Variants in SIGLEC8 observed in about 807,000 individuals in gnomAD.
SIGLEC8 encodes the protein sialic acid-binding Ig-like lectin 8.
In SIGLEC8, 32 loss-of-function variants were observed where a neutral mutation model predicts 42.1. That is an observed-to-expected ratio of 0.76 (90% CI 0.57 to 1.02). The LOEUF is 1.02. Among genes scored for constraint, SIGLEC8 ranks in the 50% least tolerant of loss-of-function variants. The probability of loss-of-function intolerance (pLI) is 0.00; values close to 1 mark genes in which losing one functional copy is unlikely to be tolerated. For missense variants in SIGLEC8, 611 were observed against 610.2 expected (o/e 1.00, Z -0.01); for synonymous variants, 262 against 260.3 (o/e 1.01, Z -0.06).
rs555610019 is a variant in SIGLEC8 at position 51,454,937 on chromosome 19, C to A, written c.1052-157G>T. Among the ~76,000 whole-genome samples the A allele has an allele frequency of 1.3e-5, 2 of 152,324 alleles. No homozygotes were observed. Among genetic ancestry groups the A allele is most frequent in the African/African-American group, 4.8e-5 (2 of 41,564 alleles). ...GGAGGAAAGGAGACTACTTCTGAGG[C>A]CAGTGAGGCATGAGAGTGCTGGATG... On this transcript the variant is annotated intron_variant, in intron 4 of 6. Transcript: ENST00000321424. This position sits in a 1 kb window ranked among gnomAD's most constrained non-coding sequence, Gnocchi z 4.7.
intron 3 of SIGLEC8, among the ~76,000 whole-genome samples, chr19:51,456,512 C>T (rs1186008050): frequency 6.6e-6 from 1 of 152,228 alleles, no homozygotes; most frequent in Non-Finnish European, 1.5e-5. Flanking sequence ...CTATCCACTG[C>T]ACAGTTTCTG....
In SIGLEC8 at chr19:51,458,428, T is replaced by C. The variant is rs748393716; in HGVS notation, c.-41A>G. On this transcript the variant is annotated 5_prime_UTR_variant, in exon 1 of 7. Coordinates refer to ENST00000321424, the MANE Select transcript of SIGLEC8 (RefSeq NM_014442.3). The stretch of plus-strand genomic sequence containing the variant: ...CGCCAGGGCCGCCAGGGAACGTCTG[T>C]TCCTCAGGGTTCTTCTCTCAGAAAC... The C allele has an allele frequency of 8.9e-6, 14 of 1,581,150 alleles. 1 individual carries two copies. The Admixed American group carries it at 1.0e-4, about 12-fold the overall frequency.
rs774483646 is a variant in SIGLEC8 at position 51,454,732 on chromosome 19, G to C, written c.1100C>G (p.Ala367Gly). Residue 367 changes from alanine to glycine, a missense_variant, in exon 5 of 7, where the codon GCT (alanine) becomes GGT (glycine). By Grantham distance (60) the Ala-to-Gly change is moderately conservative. Transcript: ENST00000321424. This position sits in a 1 kb window ranked among gnomAD's most constrained non-coding sequence, Gnocchi z 4.7. ...SQVTLAAVGG[A>G]GATALAFLSF... is the part of the protein sequence containing the mutation. ...CAGGAAGGCCAGGGCTGTGGCTCCAGCTCCCCCGACTGCTGCCAGTGTCAC... is the reference window on the plus strand; with the variant it reads ...CAGGAAGGCCAGGGCTGTGGCTCCACCTCCCCCGACTGCTGCCAGTGTCAC... 3.1e-6 allele frequency: 5 copies of C among 1,613,882 alleles called. No individual in the cohort carries two copies. The highest frequency in any genetic ancestry group is 3.4e-6 in the Non-Finnish European group (4 of 1,179,972).
chr19:51,455,744 T>G, intron 3 of SIGLEC8, 57 bp from the exon 4 acceptor site: 1 of 1,463,486 alleles, frequency 6.8e-7, no homozygotes, highest in South Asian at 1.2e-5. Flanking sequence ...CAAAGGATTA[T>G]AAATCATGCT....
chr19:51,453,128 G>A (rs536749251), intron 6 of SIGLEC8, among the ~76,000 whole-genome samples: 16 of 151,138 alleles, frequency 1.1e-4, no homozygotes, highest in Non-Finnish European at 2.2e-4. Context: ...TGGCTCTGTT[G>A]CCCAGGCTGG....
Position 51,458,014 on chromosome 19 carries a change from C to T in SIGLEC8, c.374G>A (p.Arg125Gln), listed in dbSNP as rs186721103. The T allele has an allele frequency of 3.1e-4, 503 of 1,613,994 alleles. No homozygotes were observed. Among genetic ancestry groups the T allele is most frequent in the Non-Finnish European group, 3.9e-4 (462 of 1,180,006 alleles). Residue 125 changes from arginine (R) to glutamine (Q), a missense_variant, in exon 1 of 7, where the codon CGG (arginine) becomes CAG (glutamine). By Grantham distance (43) the Arg-to-Gln change is conservative. Coordinates refer to ENST00000321424, the MANE Select transcript of SIGLEC8 (RefSeq NM_014442.3). Reference sequence around the variant, plus strand: ...CCATTTCATGCTTCCTCTCTCTAGCCGAAAGAAATATGACCCCTTATCCCT... The same window carrying T: ...CCATTTCATGCTTCCTCTCTCTAGCTGAAAGAAATATGACCCCTTATCCCT... ...RKRDKGSYFFRLERGSMKWSY... is the reference protein window; with the variant it reads ...RKRDKGSYFFQLERGSMKWSY...
At position 51,452,135 on chromosome 19, in the gene SIGLEC8, G is replaced by A. The variant is rs1477041272; in HGVS notation, c.*244C>T. The A allele has an allele frequency of 2.6e-6, 1 of 378,028 alleles. No individual in the cohort carries two copies. Among genetic ancestry groups the A allele is most frequent in the East Asian group, 3.9e-5 (1 of 25,646 alleles). The allele number at this position is 378,028 out of a possible 1,614,324, so 23.4% of individuals were successfully genotyped here. ...ATGAACCTAGGGGATATTTTTTTGT[G>A]TAAAATGAGCCACACACAGAGAGGC... On this transcript the variant is annotated 3_prime_UTR_variant, in exon 7 of 7. Coordinates refer to ENST00000321424, the MANE Select transcript of SIGLEC8 (RefSeq NM_014442.3).
In SIGLEC8 at chr19:51,453,350, A is replaced by C. The variant is rs562153883; in HGVS notation, c.1246-717T>G. The C allele has an allele frequency of 9.2e-6, 9 of 982,928 alleles. No individual in the cohort carries two copies. In the African/African-American group the frequency reaches 1.4e-4, roughly 15 times the overall value. The allele number at this position is 982,928 out of a possible 1,614,324, so 60.9% of individuals were successfully genotyped here. On this transcript the variant is annotated intron_variant, in intron 6 of 6. Coordinates refer to ENST00000321424, the MANE Select transcript of SIGLEC8 (RefSeq NM_014442.3). ...AGCGATCCTCCTACCTTGGCCTCCCAAAGTGGCAGCTCAGTCTTTAATTGA... is the reference window on the plus strand; with the variant it reads ...AGCGATCCTCCTACCTTGGCCTCCCCAAGTGGCAGCTCAGTCTTTAATTGA...
In SIGLEC8 at chr19:51,452,400, G is replaced by T; in HGVS notation, c.1479C>A (p.Ser493=). 1.9e-6 allele frequency: 3 copies of T among 1,604,366 alleles called. No homozygotes were observed. The highest frequency in any genetic ancestry group is 2.6e-6 in the Non-Finnish European group (3 of 1,171,858). ...TQACLRNHNP[S]SKEVRG is the part of the protein sequence containing the mutation. ...AGAATCAGCCTCTGACTTCTTTGCT[G>T]GAGGGGTTGTGATTCCTCAAACAGG... The change falls in exon 7 of 7, where the codon TCC becomes TCA. Residue 493 remains serine (S), a synonymous_variant. Coordinates refer to ENST00000321424, the MANE Select transcript of SIGLEC8 (RefSeq NM_014442.3).
intron 3 of SIGLEC8, among the ~76,000 whole-genome samples, chr19:51,456,084 G>A (rs1337143339): frequency 7.6e-6 from 1 of 132,182 alleles, no homozygotes; most frequent in East Asian, 2.7e-4. Flanking sequence ...GTGGGGTGGG[G>A]GGAGGGATAG....
Position 51,454,595 on chromosome 19 carries a change from C to A in SIGLEC8, c.1148+89G>T, listed in dbSNP as rs1989446343. ...TTCTTGCCCCAAGCCCTGGACCCAT[C>A]CAGGTCCTTCCAGCTCTGGCTTCAG... On this transcript the variant is annotated intron_variant, in intron 5 of 6. Coordinates refer to ENST00000321424, the MANE Select transcript of SIGLEC8 (RefSeq NM_014442.3). The surrounding 1 kb of genome is among the most constrained non-coding windows in gnomAD (Gnocchi z 4.7). 1.6e-6 allele frequency: 2 copies of A among 1,216,982 alleles called. No homozygotes were observed. Among genetic ancestry groups the A allele is most frequent in the Non-Finnish European group, 2.4e-6 (2 of 825,556 alleles). The allele number at this position is 1,216,982 out of a possible 1,614,324, so 75.4% of individuals were successfully genotyped here.
Position 51,455,650 on chromosome 19 carries a change from G to C in SIGLEC8, c.819C>G (p.Val273=). 6.2e-7 allele frequency: 1 copy of C among 1,614,066 alleles called. No individual in the cohort carries two copies. The highest frequency in any genetic ancestry group is 1.1e-5 in the South Asian group (1 of 91,066). The change falls in exon 4 of 7, where the codon GTC becomes GTG. Residue 273 remains valine (V), a synonymous_variant. Coordinates refer to ENST00000321424, the MANE Select transcript of SIGLEC8 (RefSeq NM_014442.3). ...TALGNGSSLS[V]LEGQSLRLVC... ...CCAGGCGCAGAGACTGGCCCTCAAG[G>C]ACTGAAAGAGATGAGCCATTTCCCA...
intron 3 of SIGLEC8, 46 bp from the exon 4 acceptor site, chr19:51,455,733 C>T: frequency 6.6e-7 from 1 of 1,518,804 alleles, no homozygotes; most frequent in Non-Finnish European, 9.0e-7. Flanking sequence ...GGGTATATAC[C>T]CAAAGGATTA....
At chr19:51,455,319 C>G in intron 4 of SIGLEC8, 99 bp downstream of exon 4, 1 of 1,469,972 alleles carries the variant, frequency 6.8e-7, no homozygotes, top group Non-Finnish European at 9.2e-7. Flanking sequence ...CAGCTGAGCA[C>G]AGACCAGAGC....
Position 51,454,027 on chromosome 19 carries a change from G to C in SIGLEC8, c.1245+192C>G. 2 of 985,366 alleles carry C rather than the reference G, an allele frequency of 2.0e-6. No homozygotes were observed. The highest frequency in any genetic ancestry group is 1.2e-6 in the Non-Finnish European group (1 of 829,916). The allele number at this position is 985,366 out of a possible 1,614,324, so 61.0% of individuals were successfully genotyped here. On this transcript the variant is annotated intron_variant, in intron 6 of 6. Transcript: ENST00000321424. This position sits in a 1 kb window ranked among gnomAD's most constrained non-coding sequence, Gnocchi z 4.7. ...GGAGATAACTCCTACTCAGTGCCTG[G>C]CCTGGGAAAAATTGGGGGTAGGGAC...
chr19:51,453,888 G>A (rs2122142113), intron 6 of SIGLEC8: 2 of 985,294 alleles, frequency 2.0e-6, no homozygotes, highest in Middle Eastern at 5.2e-4. Context: ...GAAAAATAAT[G>A]AGAGGGGTCA....
At position 51,458,003 on chromosome 19, in the gene SIGLEC8, C is replaced by G. The variant is rs61735198; in HGVS notation, c.385G>C (p.Gly129Arg). 2,977 of 1,614,162 alleles carry G rather than the reference C, an allele frequency of 1.8e-3. 7 individuals carry two copies. The highest frequency in any genetic ancestry group is 2.4e-3 in the Non-Finnish European group (2,811 of 1,180,032). Residue 129 changes from glycine (G) to arginine (R), a missense_variant, in exon 1 of 7, where the codon GGA becomes CGA. By Grantham distance (125) the Gly-to-Arg change is moderately radical. Transcript: ENST00000321424. Reference sequence around the variant, plus strand: ...GATTTGTAACTCCATTTCATGCTTCCTCTCTCTAGCCGAAAGAAATATGAC... The same window carrying G: ...GATTTGTAACTCCATTTCATGCTTCGTCTCTCTAGCCGAAAGAAATATGAC... ...KGSYFFRLER[G>R]SMKWSYKSQL...
intron 6 of SIGLEC8, chr19:51,453,511 A>G (rs1435038964): frequency 8.0e-6 from 4 of 498,008 alleles, no homozygotes; most frequent in African/African-American, 2.1e-5. Flanking sequence ...GCTGGCCGAC[A>G]TGGTGAAACC....
At position 51,457,913 on chromosome 19, in the gene SIGLEC8, G is replaced by A. The variant is rs202078126; in HGVS notation, c.454+21C>T. 2.6e-4 allele frequency: 418 copies of A among 1,611,352 alleles called. 5 individuals carry two copies. In the East Asian group the frequency reaches 9.2e-3, roughly 35 times the overall value. On this transcript the variant is annotated intron_variant, in intron 1 of 6. Coordinates refer to ENST00000321424, the MANE Select transcript of SIGLEC8 (RefSeq NM_014442.3). ...CCCTCATGACCTTCCCCTGTGGCCT[G>A]TGCTGGAGCCCGTGCCTTACCTGTC...
Sources: allele counts gnomAD v4.1 joint callset (sites outside exome capture counted in the v4.1 genomes callset), GRCh38; gene constraint gnomAD v4.1.1; non-coding constraint Gnocchi (gnomAD v3.1); transcripts MANE v1.5; gene names NCBI Gene and HGNC (gene_info 2026-07-23, HGNC 2026-07-21).